The following GORASP2 variants were observed in gnomAD, a reference collection of about 807,000 sequenced individuals.
GORASP2 encodes the protein golgi reassembly stacking protein 2.
Under a neutral mutation model 45.7 loss-of-function variants are expected in GORASP2, and 22 were observed. The observed-to-expected ratio is 0.48, with a 90% CI of 0.34 to 0.69. GORASP2 has a LOEUF of 0.69. Among genes scored for constraint, GORASP2 ranks in the 30% least tolerant of loss-of-function variants. The probability of loss-of-function intolerance (pLI) is 0.01; values close to 1 mark genes in which losing one functional copy is unlikely to be tolerated. For synonymous variants in GORASP2, 221 were observed against 215.6 expected (o/e 1.02, Z -0.22); for missense variants, 491 against 562.7 (o/e 0.87, Z 1.29).
chr2:170,966,040 C>A lies in GORASP2; in HGVS notation c.1269C>A (p.Thr423=). ...DVTPPTAKAP[T]TVEDRVGDST... ...CGCCCCCCACTGCCAAGGCCCCCAC[C>A]ACCGTTGAGGACAGAGTCGGCGACT... Residue 423 remains threonine, a synonymous_variant, in exon 10 of 10, where the codon ACC becomes ACA. Transcript: ENST00000234160. 1 of 1,614,022 alleles carries A rather than the reference C, an allele frequency of 6.2e-7. No individual in the cohort carries two copies. Among genetic ancestry groups the A allele is most frequent in the Non-Finnish European group, 8.5e-7 (1 of 1,179,914 alleles).
intron 1 of GORASP2, among the ~76,000 whole-genome samples, chr2:170,939,490 A>G (rs939010621): frequency 6.6e-6 from 1 of 152,246 alleles, no homozygotes; most frequent in Non-Finnish European, 1.5e-5. Flanking sequence ...CTGTGGCTTC[A>G]GTTACCTTTG....
In GORASP2 at chr2:170,941,310, A is replaced by G. The variant is rs1026392596; in HGVS notation, c.64-7040A>G. Among the ~76,000 whole-genome samples, 4 of 152,114 alleles carry G rather than the reference A, an allele frequency of 2.6e-5. No homozygotes were observed. In the East Asian group the frequency reaches 5.8e-4, roughly 22 times the overall value. On this transcript the variant is annotated intron_variant, in intron 1 of 9. Transcript: ENST00000234160. ...GCTCTTTAGTATTTTCAGCTGCTTT[A>G]TTATGTTTCTTAATTGTCAAAGTAA...
In GORASP2 at chr2:170,957,578, C is replaced by T. The variant is rs374625016; in HGVS notation, c.823+1019C>T. ...GGCGTGAGCCACTGCACCCAGCCTC[C>T]TTCCTTTTCTTCATCCCTTGTTCTA... On this transcript the variant is annotated intron_variant, in intron 7 of 9. Coordinates refer to ENST00000234160, the MANE Select transcript of GORASP2 (RefSeq NM_015530.5). Among the ~76,000 whole-genome samples, 191 of 152,294 alleles carry T rather than the reference C, an allele frequency of 1.3e-3. 5 individuals carry two copies. The South Asian group carries it at 0.037, about 30-fold the overall frequency.
chr2:170,943,670 CTTAT>C (rs1046002265), intron 1 of GORASP2, among the ~76,000 whole-genome samples: 63 of 151,988 alleles, frequency 4.1e-4, no homozygotes, highest in African/African-American at 1.5e-3. Context: ...CTTTTAAAAT[CTTAT>C]TTATTTATTT....
At chr2:170,935,544 T>C (rs1703929179) in intron 1 of GORASP2, among the ~76,000 whole-genome samples, 1 of 151,304 alleles carries the variant, frequency 6.6e-6, no homozygotes, top group African/African-American at 2.4e-5. Context: ...TGGGAGCCAC[T>C]GCACCCAGCA....
chr2:170,959,360 A>G (rs1258797582), intron 7 of GORASP2, among the ~76,000 whole-genome samples: 1 of 152,228 alleles, frequency 6.6e-6, no homozygotes, highest in East Asian at 1.9e-4. Context: ...TTGTAGTTAT[A>G]CTTGTATTGT....
At chr2:170,942,094 C>T (rs1364538038) in intron 1 of GORASP2, among the ~76,000 whole-genome samples, 2 of 152,030 alleles carry the variant, frequency 1.3e-5, no homozygotes, top group East Asian at 1.9e-4. Context: ...TCCTTGATGA[C>T]CATTGAAGTT....
intron 1 of GORASP2, among the ~76,000 whole-genome samples, chr2:170,933,896 A>G (rs946185708): frequency 8.6e-5 from 13 of 151,864 alleles, no homozygotes; most frequent in African/African-American, 2.9e-4. Flanking sequence ...GAGTGTAATA[A>G]CAGGTTTTTA....
At chr2:170,956,405 A>C (rs758479197) in intron 6 of GORASP2, 31 bp from the exon 7 acceptor site, 1 of 1,567,572 alleles carries the variant, frequency 6.4e-7, no homozygotes, top group Non-Finnish European at 8.6e-7. Flanking sequence ...AACTTAAGTA[A>C]TCTTTGTGTT....
intron 1 of GORASP2, among the ~76,000 whole-genome samples, chr2:170,938,114 C>T (rs1703997159): frequency 6.6e-6 from 1 of 152,198 alleles, no homozygotes; most frequent in East Asian, 1.9e-4. Context: ...TTTCTTAAAA[C>T]AACGCTATCT....
Position 170,962,910 on chromosome 2 carries a change from A to G in GORASP2, c.982A>G (p.Met328Val). Residue 328 changes from methionine (M) to valine (V), a missense_variant, in exon 9 of 10, where the codon ATG becomes GTG. By Grantham distance (21) the Met-to-Val change is conservative. Coordinates refer to ENST00000234160, the MANE Select transcript of GORASP2 (RefSeq NM_015530.5). ...LNLNLPAPHI[M>V]PGVGLPELVN... ...CCTCAACCTCCCAGCACCACACATC[A>G]TGCCAGGGGTTGGCTTACCAGAACT... is the stretch of plus-strand genomic sequence containing the variant. 2 of 1,613,988 alleles carry G rather than the reference A, an allele frequency of 1.2e-6. No individual in the cohort carries two copies. Among genetic ancestry groups the G allele is most frequent in the Non-Finnish European group, 1.7e-6 (2 of 1,179,930 alleles).
At chr2:170,951,243 T>G in intron 4 of GORASP2, 85 bp from the exon 5 acceptor site, 1 of 1,025,772 alleles carries the variant, frequency 9.7e-7, no homozygotes, top group South Asian at 1.8e-5. Context: ...CTTAGATTTC[T>G]CAGGTGATTC....
In GORASP2 at chr2:170,960,110, C is replaced by T. The variant is rs142628476; in HGVS notation, c.824-1553C>T. Among the ~76,000 whole-genome samples the T allele has an allele frequency of 7.2e-5, 11 of 152,172 alleles. No homozygotes were observed. The East Asian group carries it at 1.5e-3, about 21-fold the overall frequency. On this transcript the variant is annotated intron_variant, in intron 7 of 9. Transcript: ENST00000234160. ...TGCTGGGATTACAGGCATGAGCCACCGTGCCTGGCCCAAGTGTATCACCAT... is the reference window on the plus strand; with the variant it reads ...TGCTGGGATTACAGGCATGAGCCACTGTGCCTGGCCCAAGTGTATCACCAT...
At position 170,961,679 on chromosome 2, in the gene GORASP2, G is replaced by T; in HGVS notation, c.840G>T (p.Pro280=). ...TCTTTTTAGGTGTACCAACAGTACC[G>T]TTATTGCCACCACAAGTAAACCAGT... is the stretch of plus-strand genomic sequence containing the variant. ...SVLSTGVPTV[P]LLPPQVNQSL... is the part of the protein sequence containing the mutation. Residue 280 remains proline, a synonymous_variant, in exon 8 of 10, where the codon CCG becomes CCT. Transcript: ENST00000234160. 6.3e-7 allele frequency: 1 copy of T among 1,579,006 alleles called. No individual in the cohort carries two copies. Among genetic ancestry groups the T allele is most frequent in the Non-Finnish European group, 8.7e-7 (1 of 1,148,006 alleles).
intron 1 of GORASP2, among the ~76,000 whole-genome samples, chr2:170,941,545 A>G (rs1399639018): frequency 1.3e-5 from 2 of 152,202 alleles, no homozygotes; most frequent in East Asian, 3.9e-4. Context: ...TCCCACCTCC[A>G]CAGGATGAAT....
intron 9 of GORASP2, among the ~76,000 whole-genome samples, chr2:170,963,374 C>CAAA (rs766498214): frequency 6.5e-5 from 5 of 76,588 alleles, no homozygotes; most frequent in African/African-American, 2.7e-4. Context: ...GACTTCATCT[C>CAAA]AAAAAAAAAA....
At chr2:170,945,895 G>A (rs961063257) in intron 1 of GORASP2, among the ~76,000 whole-genome samples, 1 of 152,192 alleles carries the variant, frequency 6.6e-6, no homozygotes, top group South Asian at 2.1e-4. Flanking sequence ...GGTTGAAAGT[G>A]TATCTGTCAT....
chr2:170,943,828 A>C (rs755077855), intron 1 of GORASP2, among the ~76,000 whole-genome samples: 2 of 152,062 alleles, frequency 1.3e-5, no homozygotes, highest in Non-Finnish European at 2.9e-5. Context: ...AATTGCCACT[A>C]TGCCTGGCTA....
At chr2:170,949,477 G>T in intron 2 of GORASP2, 62 bp from the exon 3 acceptor site, 2 of 1,157,160 alleles carry the variant, frequency 1.7e-6, no homozygotes, top group East Asian at 2.4e-5. Context: ...TAGGGCCATA[G>T]GATGCTTAAG....
Sources: allele counts gnomAD v4.1 joint callset (sites outside exome capture counted in the v4.1 genomes callset), GRCh38; gene constraint gnomAD v4.1.1; transcripts MANE v1.5; gene names NCBI Gene and HGNC (gene_info 2026-07-23, HGNC 2026-07-21).